The following TRPC3 variants were observed in gnomAD, a reference collection of about 807,000 sequenced individuals.
TRPC3 encodes the protein short transient receptor potential channel 3.
TRPC3 carries 54 observed loss-of-function variants against 90.9 expected under a neutral mutation model. The observed-to-expected ratio is 0.59, with a 90% CI of 0.48 to 0.75. The LOEUF is 0.75. TRPC3 is among the 30% of genes least tolerant of loss of function. The probability of loss-of-function intolerance (pLI) is 0.00; values close to 1 mark genes in which losing one functional copy is unlikely to be tolerated. For synonymous variants in TRPC3, 424 were observed against 450.9 expected (o/e 0.94, Z 0.75); for missense variants, 918 against 1,194.5 (o/e 0.77, Z 3.41).
chr4:121,942,221 T>C (rs1290108698), intron 1 of TRPC3, among the ~76,000 whole-genome samples: 7 of 152,232 alleles, frequency 4.6e-5, no homozygotes, highest in African/African-American at 1.2e-4. Flanking sequence ...AATTCCCTGA[T>C]AGTTTCTGTT....
chr4:121,934,675 T>A (rs1730066863), intron 1 of TRPC3, among the ~76,000 whole-genome samples: 1 of 152,124 alleles, frequency 6.6e-6, no homozygotes, highest in African/African-American at 2.4e-5. Context: ...CCTCCCTGGG[T>A]GCCTGGGGTG....
chr4:121,948,077 T>C (rs1251102275), intron 1 of TRPC3, among the ~76,000 whole-genome samples: 1 of 152,152 alleles, frequency 6.6e-6, no homozygotes, highest in East Asian at 1.9e-4. Context: ...GTCACACAAC[T>C]GTGTAACAAT....
chr4:121,926,887 C>T (rs1437964599), intron 2 of TRPC3, among the ~76,000 whole-genome samples: 2 of 152,228 alleles, frequency 1.3e-5, no homozygotes, highest in African/African-American at 4.8e-5. Context: ...CCCCAGCCCA[C>T]ATGTCCTGAT....
At chr4:121,903,646 A>AC (rs1311386778) in intron 8 of TRPC3, among the ~76,000 whole-genome samples, 1 of 152,048 alleles carries the variant, frequency 6.6e-6, no homozygotes, top group African/African-American at 2.4e-5. Flanking sequence ...AACCACCCTA[A>AC]CTGATAGGAG....
intron 9 of TRPC3, among the ~76,000 whole-genome samples, chr4:121,901,678 T>C (rs1371160466): frequency 6.6e-6 from 1 of 152,026 alleles, no homozygotes; most frequent in Non-Finnish European, 1.5e-5. Flanking sequence ...ACAACAACTC[T>C]ACAAAGTTAG....
Position 121,879,623 on chromosome 4 carries a change from G to T in TRPC3, c.*113C>A. 2 of 1,152,356 alleles carry T rather than the reference G, an allele frequency of 1.7e-6. No homozygotes were observed. The highest frequency in any genetic ancestry group is 2.4e-6 in the Non-Finnish European group (2 of 820,770). 71.4% of individuals were successfully genotyped at this position (1,152,356 alleles called of 1,614,324 possible). On this transcript the variant is annotated 3_prime_UTR_variant, in exon 12 of 12. Transcript: ENST00000379645. ...AGAGCTAACTTTTAAAGGTTCACAT[G>T]ATAAAGGTAGTTAATACTAAAAATT...
At position 121,914,776 on chromosome 4, in the gene TRPC3, G is replaced by A; in HGVS notation, c.1341+4C>T. The A allele has an allele frequency of 1.9e-6, 3 of 1,599,968 alleles. No individual in the cohort carries two copies. Among genetic ancestry groups the A allele is most frequent in the Non-Finnish European group, 2.6e-6 (3 of 1,169,912 alleles). On this transcript the variant is annotated splice_donor_region_variant and intron_variant, in intron 4 of 11. Coordinates refer to ENST00000379645, the MANE Select transcript of TRPC3 (RefSeq NM_001130698.2). ...CAGAGGAAATAGATGTAGAAAGCAA[G>A]TACCCTGCTGCAAGGTGCGATCCAG...
intron 3 of TRPC3, among the ~76,000 whole-genome samples, chr4:121,916,117 CTGA>C (rs2149129085): frequency 6.6e-6 from 1 of 152,216 alleles, no homozygotes; most frequent in Non-Finnish European, 1.5e-5. Context: ...GTTAATAATC[CTGA>C]TGATTCTTAG....
chr4:121,932,208 C>A lies in TRPC3; in HGVS notation c.987+63G>T. On this transcript the variant is annotated intron_variant, in intron 2 of 11. Coordinates refer to ENST00000379645, the MANE Select transcript of TRPC3 (RefSeq NM_001130698.2). This position sits in a 1 kb window ranked among gnomAD's most constrained non-coding sequence, Gnocchi z 7.7. ...GTGGAGCGAACGGTGGCAGAGCAGG[C>A]CAGGCAGCAGCGGGGAAGTTGGGTG... is the stretch of plus-strand genomic sequence containing the variant. 1.3e-6 allele frequency: 2 copies of A among 1,576,598 alleles called. No homozygotes were observed. Among genetic ancestry groups the A allele is most frequent in the African/African-American group, 1.3e-5 (1 of 74,474 alleles).
chr4:121,887,795 C>T (rs1380435901), intron 10 of TRPC3, among the ~76,000 whole-genome samples: 1 of 152,008 alleles, frequency 6.6e-6, no homozygotes, highest in Non-Finnish European at 1.5e-5. Context: ...AATAACCAAA[C>T]ACAAATATCG....
At chr4:121,908,138 T>G (rs1728951184) in intron 6 of TRPC3, among the ~76,000 whole-genome samples, 1 of 152,156 alleles carries the variant, frequency 6.6e-6, no homozygotes, top group African/African-American at 2.4e-5. Context: ...AAAAGAATTT[T>G]GGATATAGAT....
In TRPC3 at chr4:121,932,858, C is replaced by T; in HGVS notation, c.400G>A (p.Glu134Lys). Residue 134 changes from glutamate (E) to lysine (K), a missense_variant, in exon 2 of 12, where the codon GAG becomes AAG. Around this residue, in one of 4 missense-constraint regions of TRPC3, gnomAD observed 609 missense variants for 725.9 expected, o/e 0.84. Coordinates refer to ENST00000379645, the MANE Select transcript of TRPC3 (RefSeq NM_001130698.2). The surrounding 1 kb of genome is among the most constrained non-coding windows in gnomAD (Gnocchi z 7.7). The stretch of plus-strand genomic sequence containing the variant: ...CAGTTGACGTTCAGCGTCTTGGACT[C>T]CTCCAGCATCTTGCGCACCACTGGG... ...NIPVVRKMLE[E>K]SKTLNVNCVD... 1 of 1,613,518 alleles carries T rather than the reference C, an allele frequency of 6.2e-7. No homozygotes were observed. The highest frequency in any genetic ancestry group is 8.5e-7 in the Non-Finnish European group (1 of 1,179,622).
Position 121,932,131 on chromosome 4 carries a change from G to A in TRPC3, c.987+140C>T, listed in dbSNP as rs1157350931. The A allele has an allele frequency of 2.2e-6, 3 of 1,336,022 alleles. No homozygotes were observed. Among genetic ancestry groups the A allele is most frequent in the Non-Finnish European group, 2.0e-6 (2 of 994,232 alleles). The allele number at this position is 1,336,022 out of a possible 1,614,324, so 82.8% of individuals were successfully genotyped here. The stretch of plus-strand genomic sequence containing the variant: ...AGAAAGAAAACATTAGATGAGGTCT[G>A]AATGACGTTCTCAGTCCCTCGTGAT... On this transcript the variant is annotated intron_variant, in intron 2 of 11. Coordinates refer to ENST00000379645, the MANE Select transcript of TRPC3 (RefSeq NM_001130698.2). This position sits in a 1 kb window ranked among gnomAD's most constrained non-coding sequence, Gnocchi z 7.7.
intron 1 of TRPC3, among the ~76,000 whole-genome samples, chr4:121,942,398 C>T (rs1053327209): frequency 2.0e-5 from 3 of 152,064 alleles, no homozygotes; most frequent in South Asian, 2.1e-4. Flanking sequence ...CCCATCTCTA[C>T]TAAAAATACA....
chr4:121,915,383 C>A (rs72680796), intron 3 of TRPC3, among the ~76,000 whole-genome samples: 10 of 152,150 alleles, frequency 6.6e-5, no homozygotes, highest in African/African-American at 2.2e-4. Flanking sequence ...TGTGAAGTTT[C>A]GCGAGCAACC....
At chr4:121,888,737 A>G (rs1728220864) in intron 10 of TRPC3, among the ~76,000 whole-genome samples, 1 of 152,208 alleles carries the variant, frequency 6.6e-6, no homozygotes, top group Non-Finnish European at 1.5e-5. Context: ...CTTACCTATT[A>G]TAATCAGGCT....
chr4:121,884,705 C>T (rs1432890935), intron 10 of TRPC3, among the ~76,000 whole-genome samples: 2 of 152,156 alleles, frequency 1.3e-5, no homozygotes, highest in Non-Finnish European at 2.9e-5. Context: ...GCTCATTTTT[C>T]CAGTCACTGT....
intron 1 of TRPC3, among the ~76,000 whole-genome samples, chr4:121,941,455 G>A (rs3924607): frequency 0.47 from 71,663 of 151,966 alleles, 18,005 homozygotes; most frequent in East Asian, 0.59. Context: ...GGCAGATGGA[G>A]CCACAGAAGA....
rs1729030546 is a variant in TRPC3, at chr4:121,910,180, G to T, written c.1766C>A (p.Pro589Gln). ...QESDLSEVTLPPEIQYFTYAR... is the reference protein window; with the variant it reads ...QESDLSEVTLQPEIQYFTYAR... ...ATAAGTGAAATACTGTATCTCTGGTGGGAGTGTCACTTCACTGAGGTCACT... is the reference window on the plus strand; with the variant it reads ...ATAAGTGAAATACTGTATCTCTGGTTGGAGTGTCACTTCACTGAGGTCACT... The change falls in exon 6 of 12, where the codon CCA becomes CAA. Residue 589 changes from proline to glutamine, a missense_variant. By Grantham distance (76) the Pro-to-Gln change is moderately conservative. Around this residue, in one of 4 missense-constraint regions of TRPC3, gnomAD observed 147 missense variants for 263.5 expected, o/e 0.56. Transcript: ENST00000379645. The T allele has an allele frequency of 6.2e-7, 1 of 1,613,378 alleles. No individual in the cohort carries two copies. The highest frequency in any genetic ancestry group is 8.5e-7 in the Non-Finnish European group (1 of 1,179,596).
Sources: gnomAD v4.1 joint callset for allele counts (sites outside exome capture counted in the v4.1 genomes callset) on GRCh38, gnomAD v4.1.1 for gene constraint, gnomAD v4.1.1 regional missense constraint, Gnocchi (gnomAD v3.1) non-coding constraint, MANE v1.5 for transcripts, NCBI Gene and HGNC (gene_info 2026-07-23, HGNC 2026-07-21) for gene names.